The following PRR5L variants were observed in gnomAD, a reference collection of about 807,000 sequenced individuals.
The protein encoded by PRR5L is proline-rich protein 5-like.
Under a neutral mutation model 36.4 loss-of-function variants are expected in PRR5L, and 21 were observed. That is an observed-to-expected ratio of 0.58 (90% CI 0.41 to 0.83). The LOEUF (loss-of-function observed/expected upper bound fraction) is 0.83. Ranked by LOEUF, PRR5L falls within the 40% of genes least tolerant of loss-of-function variation. PRR5L has a pLI of 0.00. For synonymous variants in PRR5L, 188 were observed against 197.0 expected, an observed-to-expected ratio of 0.95 and a Z score of 0.38; for missense variants, 381 against 473.3, an observed-to-expected ratio of 0.80 and a Z score of 1.81.
Position 36,346,508 on chromosome 11 carries a change from G to A in PRR5L, c.-126+50070G>A, listed in dbSNP as rs1250299964. On this transcript the variant is annotated intron_variant, in intron 1 of 8. Coordinates refer to ENST00000530639, the MANE Select transcript of PRR5L (RefSeq NM_001160167.2). ...TGAGGCAGGAGAATGGCGTGAACCC[G>A]GGAGGCGGAGCTTGTAGTGAGCCGA... Among the ~76,000 whole-genome samples the A allele has an allele frequency of 2.6e-5, 4 of 152,110 alleles. No homozygotes were observed. In the East Asian group the frequency reaches 7.7e-4, roughly 29 times the overall value.
chr11:36,405,189 TC>T (rs1857883541), intron 3 of PRR5L, among the ~76,000 whole-genome samples: 1 of 152,136 alleles, frequency 6.6e-6, no homozygotes, highest in South Asian at 2.1e-4. Context: ...AAGCAGGTCT[TC>T]TGAATGGGTG....
chr11:36,432,714 C>T (rs953339566), intron 5 of PRR5L, among the ~76,000 whole-genome samples: 5 of 152,060 alleles, frequency 3.3e-5, no homozygotes, highest in African/African-American at 9.7e-5. Context: ...GCGAACATAC[C>T]GGACCCTTTC....
rs528228786 is a variant in PRR5L, at chr11:36,376,693, G to A, written c.-125-24304G>A. The A allele has an allele frequency of 2.0e-5, 20 of 990,260 alleles. No individual in the cohort carries two copies. In the African/African-American group the frequency reaches 3.3e-4, roughly 16 times the overall value. The allele number at this position is 990,260 out of a possible 1,614,324, so 61.3% of individuals were successfully genotyped here. On this transcript the variant is annotated intron_variant, in intron 1 of 8. Transcript: ENST00000530639. The stretch of plus-strand genomic sequence containing the variant: ...GCGACTCGGGGTGATTCACGCCGGG[G>A]ACCCCAAGGAGGTGAGTGGTGGGTG...
intron 4 of PRR5L, 42 bp downstream of exon 4, chr11:36,419,345 T>C: frequency 6.5e-7 from 1 of 1,539,774 alleles, no homozygotes; most frequent in South Asian, 1.1e-5. Flanking sequence ...ATCATGCATG[T>C]GGGGGCATGG....
intron 1 of PRR5L, among the ~76,000 whole-genome samples, chr11:36,381,987 T>C (rs1367322337): frequency 6.6e-6 from 1 of 151,896 alleles, no homozygotes; most frequent in African/African-American, 2.4e-5. Flanking sequence ...TGAAACCCCA[T>C]CTCTACTAAA....
chr11:36,380,400 T>C (rs1857347982), intron 1 of PRR5L: 10 of 152,140 alleles, frequency 6.6e-5, no homozygotes, highest in Admixed American at 5.2e-4. Flanking sequence ...GTGTTGGCTT[T>C]ATAGTCAATA....
At chr11:36,366,034 G>A (rs1003450299) in intron 1 of PRR5L, among the ~76,000 whole-genome samples, 5 of 152,178 alleles carry the variant, frequency 3.3e-5, no homozygotes, top group African/African-American at 1.2e-4. Context: ...GCAATGAGTG[G>A]TTTGGATGAG....
chr11:36,314,834 A>G (rs895843303), intron 1 of PRR5L, among the ~76,000 whole-genome samples: 3 of 152,174 alleles, frequency 2.0e-5, no homozygotes, highest in Admixed American at 6.6e-5. Context: ...TTCACTATCT[A>G]TGTGACCTTG....
chr11:36,398,808 G>A (rs890154101), intron 1 of PRR5L: 17 of 152,264 alleles, frequency 1.1e-4, no homozygotes, highest in Non-Finnish European at 2.2e-4. Flanking sequence ...TGGAGAAGTG[G>A]ATGTTTCGGC....
Position 36,462,579 on chromosome 11 carries a change from G to A in PRR5L, c.950G>A (p.Ser317Asn). The A allele has an allele frequency of 6.2e-7, 1 of 1,613,146 alleles. No homozygotes were observed. Among genetic ancestry groups the A allele is most frequent in the Non-Finnish European group, 8.5e-7 (1 of 1,179,886 alleles). ...CACTCGGGCCTGGGGGAGGAGGCCA[G>A]CAGTGAGAACAAGTGCCTGCTCCTG... ...MMHSGLGEEA[S>N]SENKCLLLPP... The change falls in exon 9 of 9, where the codon AGC becomes AAC. Residue 317 changes from serine to asparagine, a missense_variant. Ser to Asn is a conservative substitution (Grantham distance 46). Coordinates refer to ENST00000530639, the MANE Select transcript of PRR5L (RefSeq NM_001160167.2).
chr11:36,428,401 G>A (rs949571616), intron 4 of PRR5L, among the ~76,000 whole-genome samples: 1 of 152,234 alleles, frequency 6.6e-6, no homozygotes, highest in African/African-American at 2.4e-5. Context: ...CCTTAAGAAT[G>A]CAAGACCCTT....
At chr11:36,360,560 G>A (rs1410413906) in intron 1 of PRR5L, among the ~76,000 whole-genome samples, 5 of 152,062 alleles carry the variant, frequency 3.3e-5, no homozygotes, top group South Asian at 2.1e-4. Flanking sequence ...ATGTAACATC[G>A]CACATGTAAC....
chr11:36,393,338 T>G (rs1857598037), intron 1 of PRR5L, among the ~76,000 whole-genome samples: 1 of 152,204 alleles, frequency 6.6e-6, no homozygotes, highest in Non-Finnish European at 1.5e-5. Flanking sequence ...GTCTTTAACC[T>G]ATTTTGGTTT....
intron 3 of PRR5L, among the ~76,000 whole-genome samples, chr11:36,411,570 C>T (rs868125213): frequency 1.2e-4 from 18 of 152,240 alleles, no homozygotes; most frequent in African/African-American, 3.6e-4. Context: ...CCTCAGCTCC[C>T]GGCTTCCCTT....
chr11:36,446,238 A>G, intron 6 of PRR5L, 62 bp from the exon 7 acceptor site: 1 of 1,583,932 alleles, frequency 6.3e-7, no homozygotes. Flanking sequence ...TGAACCCCAC[A>G]TGGTCGGTGG....
intron 3 of PRR5L, among the ~76,000 whole-genome samples, chr11:36,415,198 CT>C (rs1350211041): frequency 2.6e-5 from 4 of 152,050 alleles, no homozygotes; most frequent in Non-Finnish European, 5.9e-5. Flanking sequence ...GATGCGGGCT[CT>C]TTTTTGGTTC....
chr11:36,341,179 G>A (rs1349826184), intron 1 of PRR5L, among the ~76,000 whole-genome samples: 1 of 152,170 alleles, frequency 6.6e-6, no homozygotes, highest in Non-Finnish European at 1.5e-5. Flanking sequence ...CTGTGCTGCA[G>A]AGTCCACAAC....
chr11:36,379,133 C>T (rs1186014849), intron 1 of PRR5L, among the ~76,000 whole-genome samples: 1 of 152,134 alleles, frequency 6.6e-6, no homozygotes, highest in East Asian at 1.9e-4. Context: ...GCTGATAGTC[C>T]AGACCTAAAT....
At chr11:36,448,743 A>G (rs1300484365) in intron 7 of PRR5L, among the ~76,000 whole-genome samples, 1 of 152,152 alleles carries the variant, frequency 6.6e-6, no homozygotes, top group Non-Finnish European at 1.5e-5. Context: ...AAGCTCTGGG[A>G]TCATGGCGAA....
Sources: gnomAD v4.1 joint callset for allele counts (sites outside exome capture counted in the v4.1 genomes callset) on GRCh38, gnomAD v4.1.1 for gene constraint, MANE v1.5 for transcripts, NCBI Gene and HGNC (gene_info 2026-07-23, HGNC 2026-07-21) for gene names.